The following CLIC4 variants were observed in gnomAD, a reference collection of about 807,000 sequenced individuals.
CLIC4 encodes the protein CLIC family member 4.
CLIC4 carries 13 observed loss-of-function variants against 24.6 expected under a neutral mutation model. The observed-to-expected ratio is 0.53, with a 90% CI of 0.34 to 0.84. The LOEUF is 0.84. Among genes scored for constraint, CLIC4 ranks in the 40% least tolerant of loss-of-function variants. The probability of loss-of-function intolerance (pLI) is 0.01; values close to 1 mark genes in which losing one functional copy is unlikely to be tolerated. For synonymous variants in CLIC4, 104 were observed against 111.3 expected (o/e 0.93, Z 0.41); for missense variants, 227 against 301.7 (o/e 0.75, Z 1.83).
intron 1 of CLIC4, among the ~76,000 whole-genome samples, chr1:24,761,066 C>A (rs1459269444): frequency 6.6e-6 from 1 of 151,952 alleles, no homozygotes; most frequent in African/African-American, 2.4e-5. Flanking sequence ...TCCTGAGGGA[C>A]TGGATGTGGA....
At chr1:24,787,274 C>T (rs1469666916) in intron 1 of CLIC4, among the ~76,000 whole-genome samples, 1 of 151,946 alleles carries the variant, frequency 6.6e-6, no homozygotes, top group East Asian at 1.9e-4. Context: ...GCGGGTGGAT[C>T]ACAAGGTCAG....
At chr1:24,825,940 G>A (rs1226590871) in intron 3 of CLIC4, among the ~76,000 whole-genome samples, 1 of 152,164 alleles carries the variant, frequency 6.6e-6, no homozygotes, top group African/African-American at 2.4e-5. Flanking sequence ...GTGACGTTTT[G>A]CAGGACCTTC....
At chr1:24,760,948 A>G (rs79599222) in intron 1 of CLIC4, among the ~76,000 whole-genome samples, 2,253 of 152,244 alleles carry the variant, frequency 0.015, 70 homozygotes, top group African/African-American at 0.052. Context: ...CAGGGAGACT[A>G]ATTAGAGGTG....
chr1:24,749,143 G>T (rs1444047904), intron 1 of CLIC4, among the ~76,000 whole-genome samples: 1 of 151,960 alleles, frequency 6.6e-6, no homozygotes, highest in Non-Finnish European at 1.5e-5. Flanking sequence ...GAACCTGGGA[G>T]GCGGTGGTTG....
At chr1:24,822,185 A>G (rs1230551994) in intron 3 of CLIC4, among the ~76,000 whole-genome samples, 12 of 152,014 alleles carry the variant, frequency 7.9e-5, no homozygotes, top group Admixed American at 7.9e-4. Flanking sequence ...TAAAAGAGGG[A>G]AAATGTTAAG....
At chr1:24,758,657 G>A (rs924389941) in intron 1 of CLIC4, among the ~76,000 whole-genome samples, 51 of 151,970 alleles carry the variant, frequency 3.4e-4, no homozygotes, top group African/African-American at 9.9e-4. Flanking sequence ...GGGTTTCGCC[G>A]TTGTTCGCCA....
At chr1:24,773,578 G>A (rs1026470756) in intron 1 of CLIC4, among the ~76,000 whole-genome samples, 4 of 133,448 alleles carry the variant, frequency 3.0e-5, no homozygotes, top group African/African-American at 1.1e-4. Flanking sequence ...CAATGAAAAA[G>A]TTTGAGATGC....
intron 2 of CLIC4, among the ~76,000 whole-genome samples, chr1:24,798,194 C>T (rs1334443551): frequency 6.6e-6 from 1 of 152,140 alleles, no homozygotes; most frequent in African/African-American, 2.4e-5. Context: ...ATCATCTTGG[C>T]CCCAAATGTG....
intron 1 of CLIC4, among the ~76,000 whole-genome samples, chr1:24,765,608 A>G (rs1201529872): frequency 3.9e-5 from 6 of 152,332 alleles, no homozygotes; most frequent in African/African-American, 1.4e-4. Flanking sequence ...CATTAAGATT[A>G]GGAGTGTTGA....
intron 1 of CLIC4, among the ~76,000 whole-genome samples, chr1:24,784,399 A>G (rs559087622): frequency 6.6e-6 from 1 of 152,212 alleles, no homozygotes; most frequent in African/African-American, 2.4e-5. Context: ...GCTCTAAATT[A>G]GTGGTCTTAA....
intron 1 of CLIC4, among the ~76,000 whole-genome samples, chr1:24,774,016 T>C (rs1639102467): frequency 6.6e-6 from 1 of 152,142 alleles, no homozygotes; most frequent in Non-Finnish European, 1.5e-5. Flanking sequence ...TCTGTGGCCC[T>C]GGCTGGAGTG....
chr1:24,828,796 C>G (rs183565012), intron 4 of CLIC4, among the ~76,000 whole-genome samples: 1 of 152,074 alleles, frequency 6.6e-6, no homozygotes, highest in Non-Finnish European at 1.5e-5. Context: ...AAGTAGCCAC[C>G]TACTCTTCCT....
At position 24,800,564 on chromosome 1, in the gene CLIC4, G is replaced by A. The variant is rs899516517; in HGVS notation, c.182+2713G>A. Among the ~76,000 whole-genome samples the A allele has an allele frequency of 5.9e-5, 9 of 152,236 alleles. No homozygotes were observed. The South Asian group carries it at 1.7e-3, about 28-fold the overall frequency. On this transcript the variant is annotated intron_variant, in intron 2 of 5. Coordinates refer to ENST00000374379, the MANE Select transcript of CLIC4 (RefSeq NM_013943.3). ...CTGGCCACCACCCCGTCTGGGAGGTGTGCCCAACAGTTCATTGAGAATGGG... is the reference window on the plus strand; with the variant it reads ...CTGGCCACCACCCCGTCTGGGAGGTATGCCCAACAGTTCATTGAGAATGGG...
At chr1:24,801,073 TAA>T (rs61672978) in intron 2 of CLIC4, among the ~76,000 whole-genome samples, 53,075 of 148,270 alleles carry the variant, frequency 0.36, 9,921 homozygotes, top group Middle Eastern at 0.51. Context: ...AAAAATAAAT[TAA>T]AAAAAAAAAA....
intron 2 of CLIC4, among the ~76,000 whole-genome samples, chr1:24,812,734 T>C: frequency 6.6e-6 from 1 of 152,278 alleles, no homozygotes; most frequent in East Asian, 1.9e-4. Flanking sequence ...TCTTTCTTTT[T>C]TTTGAGACAG....
chr1:24,749,745 C>T (rs1365353880), intron 1 of CLIC4, among the ~76,000 whole-genome samples: 2 of 152,094 alleles, frequency 1.3e-5, no homozygotes, highest in Admixed American at 6.6e-5. Context: ...ATCTTTTGAG[C>T]GCAGGAGTTC....
At chr1:24,817,217 C>G (rs1639680306) in intron 3 of CLIC4, among the ~76,000 whole-genome samples, 1 of 151,974 alleles carries the variant, frequency 6.6e-6, no homozygotes, top group Non-Finnish European at 1.5e-5. Flanking sequence ...ATCAGATTTT[C>G]TAGATAGATC....
At chr1:24,810,222 A>G (rs10903104) in intron 2 of CLIC4, among the ~76,000 whole-genome samples, 93,947 of 152,074 alleles carry the variant, frequency 0.62, 30,192 homozygotes, top group Non-Finnish European at 0.71. Context: ...TATCTCTAAA[A>G]TATCTTTTTA....
intron 1 of CLIC4, among the ~76,000 whole-genome samples, chr1:24,750,436 CTTTT>C (rs368673049): frequency 3.2e-4 from 44 of 137,508 alleles, no homozygotes; most frequent in African/African-American, 9.3e-4. Flanking sequence ...TTCTTTCTTT[CTTTT>C]TTTTTTTTTT....
Sources: gnomAD v4.1 joint callset for allele counts (sites outside exome capture counted in the v4.1 genomes callset) on GRCh38, gnomAD v4.1.1 for gene constraint, MANE v1.5 for transcripts, NCBI Gene and HGNC (gene_info 2026-07-23, HGNC 2026-07-21) for gene names.